Variants in HDAC9 observed in about 807,000 individuals in gnomAD.
HDAC9 encodes histone deacetylase 9.
Under a neutral mutation model 139.4 loss-of-function variants are expected in HDAC9, and 41 were observed. The observed-to-expected ratio is 0.29, with a 90% CI of 0.23 to 0.38. HDAC9 has a LOEUF of 0.38. HDAC9 is among the 10% of genes least tolerant of loss of function. The pLI, the probability that HDAC9 is intolerant of heterozygous loss-of-function variation, is 1.00. For missense variants in HDAC9, 1,147 were observed against 1,297.0 expected, an observed-to-expected ratio of 0.88 and a Z score of 1.78; for synonymous variants, 517 against 476.2, an observed-to-expected ratio of 1.09 and a Z score of -1.12.
chr7:18,729,505 C>G (rs1441543202), intron 13 of HDAC9, among the ~76,000 whole-genome samples: 1 of 152,032 alleles, frequency 6.6e-6, no homozygotes, highest in Non-Finnish European at 1.5e-5. Context: ...AGCAAGACAT[C>G]TGAATATTAG....
chr7:18,496,123 T>A, intron 1 of HDAC9, 100 bp downstream of exon 1: 1 of 1,410,328 alleles, frequency 7.1e-7, no homozygotes, highest in Non-Finnish European at 9.7e-7. Flanking sequence ...CTGCTTCTCC[T>A]CAGGGAGGAG....
intron 7 of HDAC9, among the ~76,000 whole-genome samples, chr7:18,630,347 A>G (rs1025322557): frequency 1.3e-5 from 2 of 151,926 alleles, no homozygotes; most frequent in African/African-American, 4.8e-5. Flanking sequence ...GGCAGTTGGT[A>G]TTAGTTCTCC....
chr7:18,671,177 T>G (rs955510317), intron 12 of HDAC9, among the ~76,000 whole-genome samples: 1 of 152,014 alleles, frequency 6.6e-6, no homozygotes, highest in African/African-American at 2.4e-5. Context: ...AAGGACACGC[T>G]TGATAATAAT....
intron 23 of HDAC9, among the ~76,000 whole-genome samples, chr7:18,940,432 T>A (rs1185469931): frequency 6.6e-6 from 1 of 152,132 alleles, no homozygotes; most frequent in African/African-American, 2.4e-5. Context: ...GAAGTCCATT[T>A]TTTTCTTTTT....
rs577943591 is a variant in HDAC9 at position 18,609,292 on chromosome 7, A to G, written c.664+15263A>G. ...ATTGAACACTTGAAATGTGGCTAGT[A>G]TGACTTAGGAGCTAAATTTTTGTTA... On this transcript the variant is annotated intron_variant, in intron 6 of 25. Transcript: ENST00000686413. 6.7e-4 allele frequency among the ~76,000 whole-genome samples: 102 copies of G among 152,320 alleles called. No individual in the cohort carries two copies. The South Asian group carries it at 0.021, about 31-fold the overall frequency.
At chr7:18,789,286 G>GCGCACACA (rs146066951) in intron 16 of HDAC9, among the ~76,000 whole-genome samples, 32,635 of 148,306 alleles carry the variant, frequency 0.22, 4,078 homozygotes, top group South Asian at 0.3. Context: ...ACACATACAC[G>GCGCACACA]CACACACACA....
chr7:18,141,869 A>G lies in HDAC9; in HGVS notation c.-96-20360A>G, dbSNP rs147977235. Among the ~76,000 whole-genome samples the G allele has an allele frequency of 7.6e-4, 115 of 152,284 alleles. 2 individuals are homozygous for G. The East Asian group carries it at 0.018, about 23-fold the overall frequency. ...AATAATGTCTTAGAGCAGGACCAAG[A>G]CTGTGGCTTTATAGATTTGAAATAT... On this transcript the variant is annotated intron_variant, in intron 1 of 12. Transcript: ENST00000417496.
intron 12 of HDAC9, among the ~76,000 whole-genome samples, chr7:18,721,439 G>A (rs1266459263): frequency 1.3e-5 from 2 of 151,760 alleles, no homozygotes; most frequent in Non-Finnish European, 2.9e-5. Context: ...ATTTGCGATA[G>A]TTTATAGTAA....
At chr7:18,813,517 C>T (rs941201176) in intron 17 of HDAC9, among the ~76,000 whole-genome samples, 6 of 152,104 alleles carry the variant, frequency 3.9e-5, no homozygotes, top group African/African-American at 1.4e-4. Flanking sequence ...GTGATGACAA[C>T]AGGGGCACAT....
chr7:18,530,356 G>A (rs1319219389), intron 2 of HDAC9, among the ~76,000 whole-genome samples: 2 of 152,110 alleles, frequency 1.3e-5, no homozygotes, highest in African/African-American at 4.8e-5. Context: ...TGTCCCCAGA[G>A]TTGAGGGACA....
intron 1 of HDAC9, among the ~76,000 whole-genome samples, chr7:18,392,407 A>AGATG (rs1290329694): frequency 8.0e-6 from 1 of 124,928 alleles, no homozygotes; most frequent in Non-Finnish European, 1.6e-5. Flanking sequence ...ATGGATAGAT[A>AGATG]GATAGATAGA....
At chr7:18,347,798 A>T (rs916178004) in intron 1 of HDAC9, among the ~76,000 whole-genome samples, 1 of 151,832 alleles carries the variant, frequency 6.6e-6, no homozygotes, top group African/African-American at 2.4e-5. Flanking sequence ...GGGGTTCTCA[A>T]ACTCCTGACC....
chr7:18,130,490 C>T (rs1217330453), intron 1 of HDAC9, among the ~76,000 whole-genome samples: 2 of 152,022 alleles, frequency 1.3e-5, no homozygotes, highest in African/African-American at 4.8e-5. Flanking sequence ...CATATGCCTC[C>T]TTTCTTGGTA....
At chr7:18,204,756 CAG>C (rs2128162379) in intron 2 of HDAC9, among the ~76,000 whole-genome samples, 1 of 151,798 alleles carries the variant, frequency 6.6e-6, no homozygotes, top group South Asian at 2.1e-4. Context: ...GTTTTTCTGT[CAG>C]ATTGTTTATC....
intron 23 of HDAC9, among the ~76,000 whole-genome samples, chr7:18,940,244 G>A (rs186354462): frequency 5.9e-5 from 9 of 152,220 alleles, no homozygotes; most frequent in Admixed American, 5.9e-4. Flanking sequence ...CCCAAAACAT[G>A]CATTTTCTTC....
At chr7:18,457,306 T>A (rs1793431472) in intron 1 of HDAC9, among the ~76,000 whole-genome samples, 1 of 152,206 alleles carries the variant, frequency 6.6e-6, no homozygotes, top group Admixed American at 6.5e-5. Context: ...ACTGCCTTAC[T>A]CTTTTAATTT....
At chr7:18,959,341 G>A (rs1019545346) in intron 24 of HDAC9, among the ~76,000 whole-genome samples, 4 of 152,148 alleles carry the variant, frequency 2.6e-5, no homozygotes, top group Non-Finnish European at 5.9e-5. Flanking sequence ...TAGAGCCATA[G>A]TTTCCTTTTA....
At chr7:18,217,433 T>A (rs138652126) in intron 2 of HDAC9, among the ~76,000 whole-genome samples, 15 of 152,218 alleles carry the variant, frequency 9.9e-5, no homozygotes, top group African/African-American at 3.4e-4. Context: ...CTTGCTTTCC[T>A]TAGATATAGT....
intron 22 of HDAC9, among the ~76,000 whole-genome samples, chr7:18,915,600 T>C (rs1803119630): frequency 6.6e-6 from 1 of 151,728 alleles, no homozygotes; most frequent in South Asian, 2.1e-4. Flanking sequence ...AAGTTTTGTT[T>C]TATGATTATG....
Sources: gnomAD v4.1 joint callset for allele counts (sites outside exome capture counted in the v4.1 genomes callset) on GRCh38, gnomAD v4.1.1 for gene constraint, MANE v1.5 for transcripts, NCBI Gene and HGNC (gene_info 2026-07-23, HGNC 2026-07-21) for gene names.